Variants in IL1RAPL1 observed in about 807,000 individuals in gnomAD.
The protein encoded by IL1RAPL1 is interleukin 1 receptor accessory protein like 1.
Under a neutral mutation model 48.4 loss-of-function variants are expected in IL1RAPL1, and 3 were observed. That is an observed-to-expected ratio of 0.06 (90% CI 0.03 to 0.16). The LOEUF is 0.16. IL1RAPL1 is among the 10% of genes least tolerant of loss of function. The pLI, the probability that IL1RAPL1 is intolerant of heterozygous loss-of-function variation, is 1.00. For missense variants in IL1RAPL1, 349 were observed against 530.6 expected (o/e 0.66, Z 3.36); for synonymous variants, 185 against 187.7 (o/e 0.99, Z 0.12).
chrX:29,519,960 C>T (rs1935486500), intron 5 of IL1RAPL1, among the ~76,000 whole-genome samples: 1 of 111,752 alleles, frequency 8.9e-6, no homozygotes, highest in Non-Finnish European at 1.9e-5. Flanking sequence ...TTAGGATCAC[C>T]TCCCAAGTGA....
chrX:29,589,666 G>A (rs905862419), intron 5 of IL1RAPL1, among the ~76,000 whole-genome samples: 2 of 111,008 alleles, frequency 1.8e-5, no homozygotes, highest in Non-Finnish European at 3.8e-5. Flanking sequence ...CCTAAACTGT[G>A]CTATTATATA....
At chrX:29,826,700 A>G (rs1207024312) in intron 6 of IL1RAPL1, among the ~76,000 whole-genome samples, 1 of 112,070 alleles carries the variant, frequency 8.9e-6, no homozygotes, top group Non-Finnish European at 1.9e-5. Flanking sequence ...TTCTCATTTT[A>G]GTATGCATCA....
rs145426645 is a variant in IL1RAPL1, at chrX:29,883,843, G to A, written c.779-33621G>A. Among the ~76,000 whole-genome samples the A allele has an allele frequency of 1.8e-3, 202 of 112,390 alleles. 5 individuals carry two copies. The East Asian group carries it at 0.055, about 30-fold the overall frequency. ...GTGTGCAAAGACTTTTCTTTGACGT[G>A]AGATTGAATTAAGGAAACTTAATTA... On this transcript the variant is annotated intron_variant, in intron 6 of 10. Coordinates refer to ENST00000378993, the MANE Select transcript of IL1RAPL1 (RefSeq NM_014271.4).
At chrX:28,668,510 G>A (rs1304552024) in intron 1 of IL1RAPL1, among the ~76,000 whole-genome samples, 1 of 113,231 alleles carries the variant, frequency 8.8e-6, no homozygotes, top group Admixed American at 9.3e-5. Context: ...CGCCCACCTC[G>A]GCCTCCCGAA....
At chrX:28,787,984 G>C (rs1469094231) in intron 1 of IL1RAPL1, among the ~76,000 whole-genome samples, 1 of 111,715 alleles carries the variant, frequency 9.0e-6, no homozygotes, top group Non-Finnish European at 1.9e-5. Context: ...TGGTGGCCAA[G>C]GGCTGGGACA....
At chrX:29,767,955 TA>T (rs11402899) in intron 6 of IL1RAPL1, among the ~76,000 whole-genome samples, 24 of 108,293 alleles carry the variant, frequency 2.2e-4, no homozygotes, top group African/African-American at 5.4e-4. Flanking sequence ...AGTTGTAAAT[TA>T]AAAAAAAAAT....
intron 6 of IL1RAPL1, among the ~76,000 whole-genome samples, chrX:29,791,721 G>A (rs1929641858): frequency 1.1e-5 from 1 of 89,935 alleles, no homozygotes; most frequent in African/African-American, 4.3e-5. Context: ...ACCATGCCCA[G>A]CCTTCTTTTT....
intron 6 of IL1RAPL1, among the ~76,000 whole-genome samples, chrX:29,840,542 C>T (rs1931116100): frequency 8.9e-6 from 1 of 112,235 alleles, no homozygotes; most frequent in Non-Finnish European, 1.9e-5. Context: ...CACCAAAATA[C>T]ACTTCTACCT....
chrX:28,754,995 T>C (rs1182061198), intron 1 of IL1RAPL1, among the ~76,000 whole-genome samples: 1 of 109,392 alleles, frequency 9.1e-6, no homozygotes, highest in Non-Finnish European at 1.9e-5. Context: ...CACATTTTTT[T>C]GTTTTGTTTT....
chrX:29,381,525 A>AAAAAAAAAAAAAAAC (rs1569298983), intron 3 of IL1RAPL1, among the ~76,000 whole-genome samples: 1 of 95,912 alleles, frequency 1.0e-5, no homozygotes, highest in Non-Finnish European at 2.1e-5. Context: ...AAAAAAAAAA[A>AAAAAAAAAAAAAAAC]AAAACTTAGC....
chrX:29,063,168 A>G (rs1428297442), intron 2 of IL1RAPL1, among the ~76,000 whole-genome samples: 1 of 111,610 alleles, frequency 9.0e-6, no homozygotes, highest in Admixed American at 9.6e-5. Flanking sequence ...TCCAAATAAA[A>G]CTACCATATC....
chrX:29,803,509 A>C (rs1186822275), intron 6 of IL1RAPL1, among the ~76,000 whole-genome samples: 2 of 96,374 alleles, frequency 2.1e-5, no homozygotes, highest in African/African-American at 7.9e-5. Flanking sequence ...ACATATGTGT[A>C]TATATGTATA....
At chrX:28,686,339 A>G (rs1431475929) in intron 1 of IL1RAPL1, among the ~76,000 whole-genome samples, 2 of 112,074 alleles carry the variant, frequency 1.8e-5, no homozygotes, top group African/African-American at 3.2e-5. Flanking sequence ...CACCCACTTA[A>G]TTTTCATAGC....
At chrX:28,653,179 T>C (rs1476727714) in intron 1 of IL1RAPL1, among the ~76,000 whole-genome samples, 1 of 111,941 alleles carries the variant, frequency 8.9e-6, no homozygotes, top group Non-Finnish European at 1.9e-5. Context: ...CCTTTTTTTC[T>C]TTAAAGCTTT....
chrX:29,323,750 T>TA (rs1932824038), intron 3 of IL1RAPL1, among the ~76,000 whole-genome samples: 1 of 34,354 alleles, frequency 2.9e-5, no homozygotes, highest in African/African-American at 1.6e-4. Flanking sequence ...TATATATATA[T>TA]ATATATATAT....
At chrX:29,667,343 T>G (rs1602354406) in intron 5 of IL1RAPL1, among the ~76,000 whole-genome samples, 2 of 112,294 alleles carry the variant, frequency 1.8e-5, no homozygotes, top group South Asian at 7.4e-4. Flanking sequence ...CTTGAATTCT[T>G]GAACCCTCTG....
intron 6 of IL1RAPL1, among the ~76,000 whole-genome samples, chrX:29,668,741 G>A (rs1040303023): frequency 9.0e-6 from 1 of 111,626 alleles, no homozygotes; most frequent in African/African-American, 3.2e-5. Context: ...ATTGGAAAAT[G>A]AGATAGGCTG....
chrX:29,125,831 A>G (rs780316447), intron 2 of IL1RAPL1, among the ~76,000 whole-genome samples: 47 of 103,338 alleles, frequency 4.5e-4, no homozygotes, highest in Admixed American at 7.8e-4. Flanking sequence ...AGACCTTTCA[A>G]CAATGTATAA....
Position 29,941,709 on chromosome X carries a change from A to G in IL1RAPL1, c.1116A>G (p.Val372=). 3 of 1,207,858 alleles carry G rather than the reference A, an allele frequency of 2.5e-6. No individual in the cohort carries two copies. Among genetic ancestry groups the G allele is most frequent in the Non-Finnish European group, 3.4e-6 (3 of 892,012 alleles). ...TTGGTGCTATACTCTTGCTGCTTGT[A>G]TGTTTGGTGACCATCTACAAGTGTT... ...GGLGAILLLL[V]CLVTIYKCYK... is the part of the protein sequence containing the mutation. Residue 372 remains valine (V), a synonymous_variant, in exon 9 of 11, where the codon GTA becomes GTG. Transcript: ENST00000378993.
Sources: allele counts gnomAD v4.1 joint callset (sites outside exome capture counted in the v4.1 genomes callset), GRCh38; gene constraint gnomAD v4.1.1; transcripts MANE v1.5; gene names NCBI Gene and HGNC (gene_info 2026-07-23, HGNC 2026-07-21).